Variants in KLF8 observed in about 807,000 individuals in gnomAD.
KLF8 encodes Krueppel-like factor 8.
KLF8 carries 10 observed loss-of-function variants against 18.2 expected under a neutral mutation model. That is an observed-to-expected ratio of 0.55 (90% confidence interval 0.34 to 0.93). The LOEUF is 0.93. Ranked by LOEUF, KLF8 falls within the 40% of genes least tolerant of loss-of-function variation. The pLI is 0.02. For synonymous variants in KLF8, 109 were observed against 97.3 expected, an observed-to-expected ratio of 1.12 and a Z score of -0.71; for missense variants, 264 against 277.9, an observed-to-expected ratio of 0.95 and a Z score of 0.36.
chrX:56,138,033 C>T, the KLF8 span, among the ~76,000 whole-genome samples: 5 of 87,463 alleles, frequency 5.7e-5, no homozygotes, highest in Admixed American at 4.0e-4. Flanking sequence ...TTACCACTGA[C>T]CCCACAGAAA....
chrX:55,981,736 G>A, the KLF8 span, among the ~76,000 whole-genome samples: 1 of 111,770 alleles, frequency 8.9e-6, no homozygotes, highest in African/African-American at 3.3e-5. Context: ...GTGGAGAAGG[G>A]ATGGACAGAT....
the KLF8 span, among the ~76,000 whole-genome samples, chrX:56,132,964 G>C: frequency 9.0e-6 from 1 of 111,024 alleles, no homozygotes; most frequent in Non-Finnish European, 1.9e-5. Context: ...GCTTAAATTA[G>C]GAAGAATTAG....
the KLF8 span, among the ~76,000 whole-genome samples, chrX:56,108,092 C>T: frequency 9.0e-6 from 1 of 111,252 alleles, no homozygotes; most frequent in African/African-American, 3.3e-5. Context: ...TTATTAGCTC[C>T]CATAGGTTTT....
the KLF8 span, among the ~76,000 whole-genome samples, chrX:56,002,340 C>A: frequency 9.0e-6 from 1 of 110,998 alleles, no homozygotes; most frequent in South Asian, 3.8e-4. Context: ...CATTTTTAAA[C>A]CCCTCATTCA....
chrX:56,137,987 T>G, the KLF8 span, among the ~76,000 whole-genome samples: 1 of 77,038 alleles, frequency 1.3e-5, no homozygotes. Flanking sequence ...AAAGAGAATA[T>G]ATGAAAAAAC....
upstream of KLF8, among the ~76,000 whole-genome samples, chrX:56,230,505 G>A (rs1024409531): frequency 5.4e-5 from 6 of 111,544 alleles, no homozygotes; most frequent in Admixed American, 1.9e-4. Context: ...GGTGCAGGTC[G>A]TGGTGAAGAG....
At chrX:56,161,296 G>T in the KLF8 span, among the ~76,000 whole-genome samples, 1 of 111,040 alleles carries the variant, frequency 9.0e-6, no homozygotes, top group Non-Finnish European at 1.9e-5. Context: ...TGGGTAACCC[G>T]ACCTTTGAAT....
chrX:55,962,675 G>A, the KLF8 span, among the ~76,000 whole-genome samples: 2 of 112,366 alleles, frequency 1.8e-5, no homozygotes, highest in Non-Finnish European at 3.8e-5. Flanking sequence ...AGACATCCAT[G>A]TTTGGTGTCT....
the KLF8 span, among the ~76,000 whole-genome samples, chrX:56,040,748 G>A: frequency 3.2e-5 from 3 of 93,975 alleles, no homozygotes; most frequent in Non-Finnish European, 6.4e-5. Flanking sequence ...GAGTTAGGGA[G>A]GAGTTCCTCC....
chrX:56,263,739 C>A (rs2066919677), intron 2 of KLF8, among the ~76,000 whole-genome samples: 1 of 112,109 alleles, frequency 8.9e-6, no homozygotes, highest in African/African-American at 3.2e-5. Context: ...TGTCCAATAT[C>A]CAGTCAATAC....
the KLF8 span, among the ~76,000 whole-genome samples, chrX:55,977,948 C>T: frequency 1.8e-5 from 2 of 110,134 alleles, no homozygotes; most frequent in African/African-American, 3.3e-5. Flanking sequence ...TTTTGGTCTA[C>T]GTTATAATTA....
the KLF8 span, among the ~76,000 whole-genome samples, chrX:55,973,725 G>A: frequency 1.8e-5 from 2 of 112,239 alleles, no homozygotes; most frequent in African/African-American, 3.2e-5. Flanking sequence ...AAAAGGGAAT[G>A]CTTATACACT....
At chrX:55,988,267 G>A in the KLF8 span, among the ~76,000 whole-genome samples, 1 of 110,766 alleles carries the variant, frequency 9.0e-6, no homozygotes, top group Non-Finnish European at 1.9e-5. Flanking sequence ...TAGACATGAA[G>A]TCCTTGCCCA....
At chrX:55,982,941 G>T in the KLF8 span, among the ~76,000 whole-genome samples, 1 of 111,866 alleles carries the variant, frequency 8.9e-6, no homozygotes, top group East Asian at 2.8e-4. Flanking sequence ...TTCATCTAAA[G>T]GGGACAGCCT....
the KLF8 span, among the ~76,000 whole-genome samples, chrX:56,089,378 G>A: frequency 3.6e-5 from 4 of 111,916 alleles, no homozygotes; most frequent in East Asian, 2.8e-4. Context: ...GTTTATAGTC[G>A]AAAATAAATA....
the KLF8 span, among the ~76,000 whole-genome samples, chrX:55,979,073 T>C: frequency 1.4e-5 from 1 of 69,632 alleles, no homozygotes; most frequent in African/African-American, 4.3e-5. Flanking sequence ...GTTCCATAAA[T>C]CTGAAGCATA....
the KLF8 span, among the ~76,000 whole-genome samples, chrX:56,052,572 G>A: frequency 1.8e-5 from 2 of 111,783 alleles, no homozygotes; most frequent in Admixed American, 1.9e-4. Context: ...GTCCCAGTTA[G>A]GCTGCCCGGG....
chrX:55,914,452 A>T, the KLF8 span, among the ~76,000 whole-genome samples: 1 of 112,076 alleles, frequency 8.9e-6, no homozygotes, highest in Non-Finnish European at 1.9e-5. Context: ...TACTAAGAAA[A>T]TTCACAATAG....
the KLF8 span, among the ~76,000 whole-genome samples, chrX:56,024,185 T>C: frequency 4.6e-5 from 5 of 108,703 alleles, no homozygotes; most frequent in Non-Finnish European, 7.6e-5. Context: ...ATCAATCTGA[T>C]GGTGAACAAA....
Sources: allele counts gnomAD v4.1 joint callset (sites outside exome capture counted in the v4.1 genomes callset), GRCh38; gene constraint gnomAD v4.1.1; transcripts MANE v1.5; gene names NCBI Gene and HGNC (gene_info 2026-07-23, HGNC 2026-07-21).